SV2C: variants seen among roughly 807,000 people sequenced by gnomAD.
SV2C encodes solute carrier family 22 member B3.
SV2C carries 49 observed loss-of-function variants against 79.7 expected under a neutral mutation model. The observed-to-expected ratio is 0.61, with a 90% CI of 0.49 to 0.78. The LOEUF (loss-of-function observed/expected upper bound fraction) is 0.78. SV2C is among the 30% of genes least tolerant of loss of function. The pLI is 0.00. For synonymous variants in SV2C, 334 were observed against 333.2 expected (o/e 1.00, Z -0.03); for missense variants, 833 against 912.9 (o/e 0.91, Z 1.13).
chr5:76,135,542 C>A (rs941653165), intron 2 of SV2C, among the ~76,000 whole-genome samples: 1 of 152,136 alleles, frequency 6.6e-6, no homozygotes, highest in Non-Finnish European at 1.5e-5. Flanking sequence ...AGCTTTCAGG[C>A]GCCGCAGTCT....
chr5:76,078,871 T>C, upstream of SV2C: 1 of 571,570 alleles, frequency 1.7e-6, no homozygotes, highest in Non-Finnish European at 3.5e-6. Flanking sequence ...CCTACATGGA[T>C]TGGTGTTGCT....
chr5:75,959,196 C>T, the SV2C span, among the ~76,000 whole-genome samples: 2 of 151,818 alleles, frequency 1.3e-5, no homozygotes, highest in Non-Finnish European at 2.9e-5. Context: ...CAACTTGTAC[C>T]CTGAGAACAA....
chr5:76,221,686 A>G (rs1379358009), intron 4 of SV2C, among the ~76,000 whole-genome samples: 1 of 152,146 alleles, frequency 6.6e-6, no homozygotes, highest in Non-Finnish European at 1.5e-5. Context: ...CCCTCAAGCC[A>G]GTGTGACTCC....
intron 2 of SV2C, among the ~76,000 whole-genome samples, chr5:76,137,574 A>G (rs1313785765): frequency 1.3e-5 from 2 of 152,196 alleles, no homozygotes; most frequent in Non-Finnish European, 2.9e-5. Context: ...CAGGAGGCGG[A>G]CAATGACTAA....
the SV2C span, among the ~76,000 whole-genome samples, chr5:75,984,052 T>C: frequency 6.6e-6 from 1 of 152,218 alleles, no homozygotes; most frequent in South Asian, 2.1e-4. Context: ...TCTATAGCCA[T>C]GTGAGGGAAC....
At chr5:75,902,747 T>C in the SV2C span, among the ~76,000 whole-genome samples, 1 of 152,190 alleles carries the variant, frequency 6.6e-6, no homozygotes, top group Non-Finnish European at 1.5e-5. Context: ...TTGCTGGGCA[T>C]TTGTTTTGGG....
intron 1 of SV2C, among the ~76,000 whole-genome samples, chr5:76,107,407 G>C (rs1747954355): frequency 6.6e-6 from 1 of 152,160 alleles, no homozygotes; most frequent in African/African-American, 2.4e-5. Context: ...ATGAAATACT[G>C]ACTAGCTCGT....
At chr5:76,310,697 C>T (rs2112542789) in intron 12 of SV2C, among the ~76,000 whole-genome samples, 1 of 152,220 alleles carries the variant, frequency 6.6e-6, no homozygotes, top group South Asian at 2.1e-4. Flanking sequence ...AGAGAGAGAC[C>T]TGGAATAGTT....
rs138953986 is a variant in SV2C, at chr5:76,138,295, T to G, written c.580+5965T>G. ...TCTTAGTCCTATGTTCCTTTCCAGTTCCCTCACGTTTTCATTTAAAGCACT... is the reference window on the plus strand; with the variant it reads ...TCTTAGTCCTATGTTCCTTTCCAGTGCCCTCACGTTTTCATTTAAAGCACT... On this transcript the variant is annotated intron_variant, in intron 2 of 12. Coordinates refer to ENST00000502798, the MANE Select transcript of SV2C (RefSeq NM_014979.4). Among the ~76,000 whole-genome samples the G allele has an allele frequency of 2.6e-4, 39 of 152,236 alleles. No individual in the cohort carries two copies. In the East Asian group the frequency reaches 6.8e-3, roughly 26 times the overall value.
chr5:76,220,456 G>A (rs770376739), intron 4 of SV2C, among the ~76,000 whole-genome samples: 23 of 152,138 alleles, frequency 1.5e-4, no homozygotes, highest in Admixed American at 5.9e-4. Context: ...TGGATCACTT[G>A]AGCTCAGGAG....
chr5:75,881,966 C>T, the SV2C span, among the ~76,000 whole-genome samples: 10 of 146,204 alleles, frequency 6.8e-5, 1 homozygote, highest in East Asian at 9.8e-4. Context: ...TTTTGAAATA[C>T]GTCCCATCAA....
the SV2C span, among the ~76,000 whole-genome samples, chr5:75,897,257 A>T: frequency 1.1e-4 from 17 of 151,720 alleles, no homozygotes; most frequent in Non-Finnish European, 2.2e-4. Context: ...AGGTGTAAGG[A>T]AGGGATCCAG....
At chr5:75,931,872 A>C in the SV2C span, among the ~76,000 whole-genome samples, 1 of 152,024 alleles carries the variant, frequency 6.6e-6, no homozygotes, top group African/African-American at 2.4e-5. Flanking sequence ...GTATATCTTG[A>C]ATTTCTCCAC....
At chr5:76,073,447 GC>G in the SV2C span, among the ~76,000 whole-genome samples, 5 of 144,756 alleles carry the variant, frequency 3.5e-5, no homozygotes, top group Admixed American at 2.8e-4. Context: ...TATGGATCCA[GC>G]CCAAATGCCC....
intron 12 of SV2C, among the ~76,000 whole-genome samples, chr5:76,324,236 A>G (rs1194188336): frequency 6.6e-6 from 1 of 152,228 alleles, no homozygotes; most frequent in Non-Finnish European, 1.5e-5. Context: ...CTGGGATTAC[A>G]GGTGTAAGAC....
intron 2 of SV2C, among the ~76,000 whole-genome samples, chr5:76,177,535 T>C (rs947934531): frequency 1.3e-5 from 2 of 152,176 alleles, no homozygotes; most frequent in Non-Finnish European, 2.9e-5. Context: ...CTAAATATGG[T>C]ATTTCTGTCT....
chr5:75,933,913 C>A, the SV2C span, among the ~76,000 whole-genome samples: 86,199 of 152,056 alleles, frequency 0.57, 25,317 homozygotes, highest in African/African-American at 0.73. Flanking sequence ...GGGATACCCT[C>A]TCACTGTAGG....
chr5:76,003,045 G>C, the SV2C span, among the ~76,000 whole-genome samples: 22 of 151,992 alleles, frequency 1.4e-4, no homozygotes, highest in African/African-American at 5.3e-4. Flanking sequence ...TCGTGATAGT[G>C]AGTGAGTTCG....
intron 4 of SV2C, among the ~76,000 whole-genome samples, chr5:76,224,509 T>A (rs1022403951): frequency 1.3e-5 from 2 of 152,200 alleles, no homozygotes; most frequent in African/African-American, 4.8e-5. Context: ...GTTTCTAAAT[T>A]AACTTTCACC....
Sources: allele counts gnomAD v4.1 joint callset (sites outside exome capture counted in the v4.1 genomes callset), GRCh38; gene constraint gnomAD v4.1.1; transcripts MANE v1.5; gene names NCBI Gene and HGNC (gene_info 2026-07-23, HGNC 2026-07-21).